The following HIVEP3 variants were observed in gnomAD, a reference collection of about 807,000 sequenced individuals.
HIVEP3 encodes the protein HIVEP zinc finger 3, also known as transcription factor HIVEP3.
Under a neutral mutation model 152.8 loss-of-function variants are expected in HIVEP3, and 49 were observed. The ratio of observed to expected loss-of-function variants is 0.32; its 90% CI spans 0.26 to 0.41. The LOEUF (loss-of-function observed/expected upper bound fraction) is 0.41. Ranked by LOEUF, HIVEP3 falls within the 10% of genes least tolerant of loss-of-function variation. The probability of loss-of-function intolerance (pLI) is 1.00; values close to 1 mark genes in which losing one functional copy is unlikely to be tolerated. For synonymous variants in HIVEP3, 1,269 were observed against 1,289.0 expected (o/e 0.98, Z 0.33); for missense variants, 2,790 against 3,103.3 (o/e 0.90, Z 2.40).
intron 1 of HIVEP3, among the ~76,000 whole-genome samples, chr1:41,980,263 T>C (rs1264613664): frequency 2.0e-5 from 3 of 152,240 alleles, no homozygotes; most frequent in Non-Finnish European, 2.9e-5. Context: ...ATTGACTGTT[T>C]ATGGTAGTAT....
chr1:41,513,532 T>A lies in HIVEP3; in HGVS notation c.5689A>T (p.Ile1897Phe). The A allele has an allele frequency of 2.5e-6, 4 of 1,607,432 alleles. No homozygotes were observed. The highest frequency in any genetic ancestry group is 3.4e-6 in the Non-Finnish European group (4 of 1,177,672). Residue 1897 changes from isoleucine to phenylalanine, a missense_variant, in exon 8 of 9, where the codon ATC becomes TTC. Physicochemically the swap from Ile to Phe is conservative, Grantham distance 21. Transcript: ENST00000372583. Reference sequence around the variant, plus strand: ...GCATCTGGGGGCTGAGGGCCCAGGATGGGTGAGGAGTCTGCCCGCAGTGCA... The same window carrying A: ...GCATCTGGGGGCTGAGGGCCCAGGAAGGGTGAGGAGTCTGCCCGCAGTGCA... ...PHALRADSSPILGPQPPDAPA... is the reference protein window; with the variant it reads ...PHALRADSSPFLGPQPPDAPA...
intron 1 of HIVEP3, among the ~76,000 whole-genome samples, chr1:41,703,781 C>A (rs1023810464): frequency 6.6e-6 from 1 of 152,172 alleles, no homozygotes; most frequent in Non-Finnish European, 1.5e-5. Flanking sequence ...TATTAAATAT[C>A]TATGCTTAAG....
At chr1:41,845,636 AC>A (rs1643422765) in intron 1 of HIVEP3, among the ~76,000 whole-genome samples, 1 of 152,238 alleles carries the variant, frequency 6.6e-6, no homozygotes, top group Non-Finnish European at 1.5e-5. Context: ...CTAGAAGGAT[AC>A]ACATTAAACT....
chr1:41,780,838 T>C (rs168384), intron 1 of HIVEP3, among the ~76,000 whole-genome samples: 33,326 of 152,134 alleles, frequency 0.22, 8,973 homozygotes, highest in African/African-American at 0.64. Flanking sequence ...AGTGCAGGCC[T>C]GATTCCTGAG....
rs1256751159 is a variant in HIVEP3, at chr1:41,918,124, C to G, written c.-801+289G>C. On this transcript the variant is annotated intron_variant, in intron 1 of 8. Transcript: ENST00000372583. The surrounding 1 kb of genome is among the most constrained non-coding windows in gnomAD (Gnocchi z 4.3). The stretch of plus-strand genomic sequence containing the variant: ...GTTACAGCCCCGCCGCCGCCGCCGC[C>G]GCCGCCGCCTGTGATTGACGCGCGG... Among the ~76,000 whole-genome samples, 2 of 152,158 alleles carry G rather than the reference C, an allele frequency of 1.3e-5. No individual in the cohort carries two copies. The highest frequency in any genetic ancestry group is 2.4e-5 in the African/African-American group (1 of 41,444).
At chr1:41,757,776 C>T (rs1479663277) in intron 1 of HIVEP3, among the ~76,000 whole-genome samples, 4 of 151,312 alleles carry the variant, frequency 2.6e-5, no homozygotes, top group South Asian at 2.1e-4. Context: ...TGCAATGGTG[C>T]GATCTCAGCT....
At chr1:41,688,814 C>A (rs906550048) in intron 2 of HIVEP3, among the ~76,000 whole-genome samples, 1 of 151,778 alleles carries the variant, frequency 6.6e-6, no homozygotes. Flanking sequence ...GTTCCCCAAA[C>A]GGATCTGTTT....
intron 1 of HIVEP3, among the ~76,000 whole-genome samples, chr1:41,750,710 T>TA (rs1647146588): frequency 6.6e-6 from 1 of 151,632 alleles, no homozygotes. Flanking sequence ...GCACTTTTTT[T>TA]TTTTTTTGAC....
chr1:41,790,607 T>C (rs1274078927), intron 1 of HIVEP3, among the ~76,000 whole-genome samples: 1 of 152,182 alleles, frequency 6.6e-6, no homozygotes, highest in African/African-American at 2.4e-5. Context: ...AATGTGAGTT[T>C]CCTTTCTTCT....
intron 1 of HIVEP3, among the ~76,000 whole-genome samples, chr1:41,976,895 C>A (rs1469497657): frequency 6.6e-6 from 1 of 152,190 alleles, no homozygotes; most frequent in African/African-American, 2.4e-5. Context: ...AGAGGGAGCA[C>A]GGCCTTGTGG....
intron 1 of HIVEP3, among the ~76,000 whole-genome samples, chr1:41,788,638 T>G (rs979719813): frequency 6.6e-6 from 1 of 152,252 alleles, no homozygotes; most frequent in Non-Finnish European, 1.5e-5. Context: ...TGGGACATGG[T>G]CCAGGTAATC....
chr1:41,993,917 G>A (rs1317747733), intron 1 of HIVEP3, among the ~76,000 whole-genome samples: 9 of 148,604 alleles, frequency 6.1e-5, no homozygotes, highest in African/African-American at 1.2e-4. Flanking sequence ...ACCAAACACC[G>A]CATATTCTCA....
chr1:41,847,086 A>G (rs751915900), intron 1 of HIVEP3: 2 of 152,242 alleles, frequency 1.3e-5, no homozygotes, highest in African/African-American at 2.4e-5. Context: ...TTGGGTTCTG[A>G]GCAGTTAATG....
At chr1:41,520,503 G>C (rs905846168) in intron 6 of HIVEP3, among the ~76,000 whole-genome samples, 1 of 152,184 alleles carries the variant, frequency 6.6e-6, no homozygotes, top group Admixed American at 6.5e-5. Flanking sequence ...AGCCAGAGTA[G>C]GACAGTCAAG....
chr1:41,964,628 C>G (rs931114593), intron 1 of HIVEP3, among the ~76,000 whole-genome samples: 2 of 152,186 alleles, frequency 1.3e-5, no homozygotes, highest in Non-Finnish European at 2.9e-5. Context: ...GGAATTCCCC[C>G]ACAGGTGCAG....
chr1:41,644,578 T>C (rs1374892085), intron 2 of HIVEP3, among the ~76,000 whole-genome samples: 1 of 152,126 alleles, frequency 6.6e-6, no homozygotes, highest in Non-Finnish European at 1.5e-5. Flanking sequence ...GGATGGCCTC[T>C]AACTCTCAGA....
At chr1:41,973,039 T>C (rs954321079) in intron 1 of HIVEP3, among the ~76,000 whole-genome samples, 6 of 148,890 alleles carry the variant, frequency 4.0e-5, no homozygotes, top group African/African-American at 1.6e-4. Context: ...AGAAACCACA[T>C]GTGCGTGCAC....
chr1:41,645,727 A>C (rs991687359), intron 2 of HIVEP3, among the ~76,000 whole-genome samples: 10 of 152,238 alleles, frequency 6.6e-5, no homozygotes, highest in Admixed American at 4.6e-4. Flanking sequence ...ATAGGTGCTC[A>C]GTAAATACAT....
intron 1 of HIVEP3, among the ~76,000 whole-genome samples, chr1:41,804,586 G>A (rs928457630): frequency 6.6e-6 from 1 of 152,204 alleles, no homozygotes; most frequent in Non-Finnish European, 1.5e-5. Flanking sequence ...GTGAAAGAGA[G>A]AAAAGGAGAG....
Sources: gnomAD v4.1 joint callset for allele counts (sites outside exome capture counted in the v4.1 genomes callset) on GRCh38, gnomAD v4.1.1 for gene constraint, Gnocchi (gnomAD v3.1) non-coding constraint, MANE v1.5 for transcripts, NCBI Gene and HGNC (gene_info 2026-07-23, HGNC 2026-07-21) for gene names.